NSD3: variants seen among roughly 807,000 people sequenced by gnomAD.
NSD3 encodes histone-lysine N-methyltransferase NSD3.
NSD3 carries 24 observed loss-of-function variants against 160.8 expected under a neutral mutation model. The ratio of observed to expected loss-of-function variants is 0.15; its 90% CI spans 0.11 to 0.21. The LOEUF is 0.21. NSD3 is among the 10% of genes least tolerant of loss of function. NSD3 has a pLI of 1.00. For missense variants in NSD3, 1,157 were observed against 1,735.9 expected (o/e 0.67, Z 5.93); for synonymous variants, 520 against 600.0 (o/e 0.87, Z 1.95).
chr8:38,325,669 C>T (rs1466156715), intron 7 of NSD3, among the ~76,000 whole-genome samples: 3 of 147,514 alleles, frequency 2.0e-5, no homozygotes, highest in East Asian at 2.0e-4. Context: ...TCCAGGGGTT[C>T]GAGACCAGCC....
intron 19 of NSD3, among the ~76,000 whole-genome samples, chr8:38,284,640 A>G (rs898794797): frequency 1.3e-5 from 2 of 152,042 alleles, no homozygotes; most frequent in Admixed American, 6.6e-5. Flanking sequence ...ACCTGCCTCA[A>G]CCTCCGAAAG....
intron 1 of NSD3, among the ~76,000 whole-genome samples, chr8:38,378,514 C>T (rs904995696): frequency 1.3e-5 from 2 of 151,936 alleles, no homozygotes; most frequent in Admixed American, 6.6e-5. Context: ...TGGTGGCGGG[C>T]GCCTGTAGTC....
chr8:38,287,387 C>T (rs1324870018), intron 19 of NSD3, among the ~76,000 whole-genome samples: 4 of 152,016 alleles, frequency 2.6e-5, no homozygotes, highest in Non-Finnish European at 5.9e-5. Flanking sequence ...TTTATGCTAT[C>T]GTGTGTGAAT....
At chr8:38,340,749 T>C (rs934024025) in intron 2 of NSD3, among the ~76,000 whole-genome samples, 3 of 152,070 alleles carry the variant, frequency 2.0e-5, no homozygotes, top group African/African-American at 7.2e-5. Context: ...GGCCCAGTTC[T>C]AGAAGCTATA....
At chr8:38,290,944 GTAA>G (rs1306323487) in intron 16 of NSD3, among the ~76,000 whole-genome samples, 1 of 152,020 alleles carries the variant, frequency 6.6e-6, no homozygotes, top group African/African-American at 2.4e-5. Flanking sequence ...GTTCTAAAAT[GTAA>G]TAATACTGAA....
intron 1 of NSD3, among the ~76,000 whole-genome samples, chr8:38,361,961 C>A (rs1289663522): frequency 6.6e-6 from 1 of 151,856 alleles, no homozygotes; most frequent in Non-Finnish European, 1.5e-5. Flanking sequence ...AAACCAGTAC[C>A]TAAAGACTTC....
chr8:38,289,317 A>T lies in NSD3; in HGVS notation c.3231+76T>A, dbSNP rs143584571. On this transcript the variant is annotated intron_variant, in intron 18 of 23. Coordinates refer to ENST00000317025, the MANE Select transcript of NSD3 (RefSeq NM_023034.2). Reference sequence around the variant, plus strand: ...ATGCATTTCGTCTCATCTATTAAATAACAATGCTTTCATAGTAAAGACTTA... The same window carrying T: ...ATGCATTTCGTCTCATCTATTAAATTACAATGCTTTCATAGTAAAGACTTA... 175 of 1,338,456 alleles carry T rather than the reference A, an allele frequency of 1.3e-4. No homozygotes were observed. The African/African-American group carries it at 2.3e-3, about 17-fold the overall frequency. The allele number at this position is 1,338,456 out of a possible 1,614,324, so 82.9% of individuals were successfully genotyped here. A position where few individuals can be genotyped will look rare whatever the true frequency, so the allele number is the denominator to read the frequency against.
Position 38,317,384 on chromosome 8 carries a change from C to A in NSD3, c.1856-1342G>T, listed in dbSNP as rs1427702668. 3.4e-5 allele frequency: 36 copies of A among 1,055,000 alleles called. No homozygotes were observed. The highest frequency in any genetic ancestry group is 4.1e-5 in the Non-Finnish European group (36 of 872,834). The allele number at this position is 1,055,000 out of a possible 1,614,324, so 65.4% of individuals were successfully genotyped here. A position where few individuals can be genotyped will look rare whatever the true frequency, so the allele number is the denominator to read the frequency against. Reference sequence around the variant, plus strand: ...ACACCATCACAAAATATTTCCTTGGCCTAAAAGATCACTGGATTAACAAGG... The same window carrying A: ...ACACCATCACAAAATATTTCCTTGGACTAAAAGATCACTGGATTAACAAGG... On this transcript the variant is annotated intron_variant, in intron 9 of 23. Coordinates refer to ENST00000317025, the MANE Select transcript of NSD3 (RefSeq NM_023034.2). The surrounding 1 kb of genome is among the most constrained non-coding windows in gnomAD (Gnocchi z 5.3).
At chr8:38,325,970 A>C (rs1430788915) in intron 7 of NSD3, among the ~76,000 whole-genome samples, 6 of 151,994 alleles carry the variant, frequency 3.9e-5, no homozygotes, top group Admixed American at 3.9e-4. Flanking sequence ...CAACATGGTG[A>C]AACTTTGTCT....
chr8:38,337,726 T>C (rs1267912513), intron 3 of NSD3, among the ~76,000 whole-genome samples: 3 of 151,940 alleles, frequency 2.0e-5, no homozygotes, highest in Non-Finnish European at 4.4e-5. Flanking sequence ...AGAAACTAGA[T>C]ATAAAGTACA....
chr8:38,301,316 G>T (rs1292451904), intron 14 of NSD3, among the ~76,000 whole-genome samples: 4 of 152,176 alleles, frequency 2.6e-5, no homozygotes, highest in Admixed American at 6.5e-5. Context: ...GGTGGCTCAC[G>T]CCTGTAATCC....
At chr8:38,368,838 T>A (rs750396225) in intron 1 of NSD3, among the ~76,000 whole-genome samples, 30 of 152,222 alleles carry the variant, frequency 2.0e-4, no homozygotes, top group Non-Finnish European at 3.7e-4. Flanking sequence ...CAAACAACTT[T>A]CATCAGTCAT....
chr8:38,337,421 C>A lies in NSD3; in HGVS notation c.794G>T (p.Gly265Val). The A allele has an allele frequency of 6.2e-7, 1 of 1,611,616 alleles. No homozygotes were observed. Among genetic ancestry groups the A allele is most frequent in the East Asian group, 2.2e-5 (1 of 44,684 alleles). Residue 265 changes from glycine (G) to valine (V), a missense_variant, in exon 4 of 24, where the codon GGT becomes GTT. Gly to Val is a moderately radical substitution (Grantham distance 109, BLOSUM62 -3). Coordinates refer to ENST00000317025, the MANE Select transcript of NSD3 (RefSeq NM_023034.2). ...AAGATCGCCAACCTGAAACTTAACA[C>A]CAGTGGACACTTCCGTTGTTGGAAC... Reference protein sequence around the residue: ...SSVPTTEVSTGVKFQVGDLVW... With the variant: ...SSVPTTEVSTVVKFQVGDLVW...
Position 38,319,047 on chromosome 8 carries a change from T to C in NSD3, c.1810-107A>G, listed in dbSNP as rs1355162141. The C allele has an allele frequency of 3.0e-6, 3 of 1,008,334 alleles. No homozygotes were observed. The highest frequency in any genetic ancestry group is 1.5e-5 in the South Asian group (1 of 64,572). The allele number at this position is 1,008,334 out of a possible 1,614,324, so 62.5% of individuals were successfully genotyped here. On this transcript the variant is annotated intron_variant, in intron 8 of 23. Coordinates refer to ENST00000317025, the MANE Select transcript of NSD3 (RefSeq NM_023034.2). This position sits in a 1 kb window ranked among gnomAD's most constrained non-coding sequence, Gnocchi z 4.1. ...AATCTAAGCAATGATGAGTGATTAA[T>C]GTATCTGAAATCTGAACTCAGTCCC...
chr8:38,290,383 C>T, intron 17 of NSD3, 92 bp downstream of exon 17: 1 of 1,339,868 alleles, frequency 7.5e-7, no homozygotes. Flanking sequence ...TGAAAATTCT[C>T]TAATACCAGA....
intron 2 of NSD3, among the ~76,000 whole-genome samples, chr8:38,346,149 TATATGTATGC>T: frequency 6.6e-6 from 1 of 151,044 alleles, no homozygotes; most frequent in Non-Finnish European, 1.5e-5. Flanking sequence ...CACATATACA[TATATGTATGC>T]ATATGTATGT....
intron 21 of NSD3, 77 bp from the exon 22 acceptor site, chr8:38,278,489 T>A: frequency 8.1e-7 from 1 of 1,235,890 alleles, no homozygotes; most frequent in Non-Finnish European, 1.1e-6. Context: ...ACTCCCCTAA[T>A]GAAAAAAAGA....
chr8:38,294,796 A>G (rs958511398), intron 16 of NSD3, among the ~76,000 whole-genome samples: 1 of 151,304 alleles, frequency 6.6e-6, no homozygotes, highest in East Asian at 2.0e-4. Flanking sequence ...TGGGCAATAT[A>G]ATGAGTCCCC....
chr8:38,344,429 G>A (rs149799883), intron 2 of NSD3, among the ~76,000 whole-genome samples: 1,676 of 152,110 alleles, frequency 0.011, 9 homozygotes, highest in Middle Eastern at 0.017. Flanking sequence ...CCACCACCAC[G>A]CCCGGCTAAT....
Sources: gnomAD v4.1 joint callset for allele counts (sites outside exome capture counted in the v4.1 genomes callset) on GRCh38, gnomAD v4.1.1 for gene constraint, Gnocchi (gnomAD v3.1) non-coding constraint, MANE v1.5 for transcripts, NCBI Gene and HGNC (gene_info 2026-07-23, HGNC 2026-07-21) for gene names.